ZBBX: variants seen among roughly 807,000 people sequenced by gnomAD.
ZBBX encodes zinc finger B-box domain-containing protein 1.
Under a neutral mutation model 108.5 loss-of-function variants are expected in ZBBX, and 101 were observed. The ratio of observed to expected loss-of-function variants is 0.93; its 90% confidence interval spans 0.79 to 1.10. The LOEUF is 1.10. Ranked by LOEUF, ZBBX falls within the 50% of genes least tolerant of loss-of-function variation. The probability of loss-of-function intolerance (pLI) is 0.00; values close to 1 mark genes in which losing one functional copy is unlikely to be tolerated. For missense variants in ZBBX, 1,009 were observed against 941.4 expected, an observed-to-expected ratio of 1.07 and a Z score of -0.94; for synonymous variants, 356 against 323.4, an observed-to-expected ratio of 1.10 and a Z score of -1.08.
intron 16 of ZBBX, among the ~76,000 whole-genome samples, chr3:167,308,939 C>T (rs542396476): frequency 1.3e-5 from 2 of 152,088 alleles, no homozygotes; most frequent in Admixed American, 1.3e-4. Context: ...ACGTGTGTCC[C>T]TGAACTTAAA....
chr3:167,333,973 T>C lies in ZBBX; in HGVS notation c.541A>G (p.Ile181Val), dbSNP rs758895674. 1 of 1,563,092 alleles carries C rather than the reference T, an allele frequency of 6.4e-7. No individual in the cohort carries two copies. The highest frequency in any genetic ancestry group is 1.2e-5 in the South Asian group (1 of 81,084). ...RTTLLQAKSQ[I>V]LFNVLDVAHQ... ...GCAACATCCAATACATTGAATAATA[T>C]TTGAGATTTTGCCTATTAAAAAAGT... Residue 181 changes from isoleucine to valine, a missense_variant, in exon 10 of 22, where the codon ATA becomes GTA. By Grantham distance (29) the Ile-to-Val change is conservative. Transcript: ENST00000675490.
intron 18 of ZBBX, among the ~76,000 whole-genome samples, chr3:167,295,005 C>T (rs1417169506): frequency 6.6e-6 from 1 of 152,066 alleles, no homozygotes; most frequent in Non-Finnish European, 1.5e-5. Context: ...CCATCTTACG[C>T]CAGTTAGAAT....
At chr3:167,382,054 C>A (rs1341856912), upstream of ZBBX, among the ~76,000 whole-genome samples, 1 of 152,148 alleles carries the variant, frequency 6.6e-6, no homozygotes, top group Non-Finnish European at 1.5e-5. Flanking sequence ...CTCACTTCTA[C>A]AAAGGACTTT....
At chr3:167,299,987 T>C (rs1732355935) in intron 17 of ZBBX, among the ~76,000 whole-genome samples, 1 of 152,188 alleles carries the variant, frequency 6.6e-6, no homozygotes, top group Non-Finnish European at 1.5e-5. Flanking sequence ...CAAATTCTCT[T>C]GTGATCCAAC....
intron 9 of ZBBX, among the ~76,000 whole-genome samples, chr3:167,340,763 G>C (rs1740399377): frequency 1.3e-5 from 2 of 151,302 alleles, no homozygotes; most frequent in South Asian, 4.2e-4. Flanking sequence ...GAGAAGCAAA[G>C]GGAAGAAATT....
At chr3:167,364,118 G>A (rs1338665476) in intron 6 of ZBBX, among the ~76,000 whole-genome samples, 2 of 151,678 alleles carry the variant, frequency 1.3e-5, no homozygotes, top group East Asian at 3.9e-4. Context: ...TCTTTGTTGT[G>A]GGGATTGTCA....
At chr3:167,276,378 A>G (rs905583627) in intron 20 of ZBBX, among the ~76,000 whole-genome samples, 5 of 152,190 alleles carry the variant, frequency 3.3e-5, no homozygotes, top group Non-Finnish European at 7.3e-5. Flanking sequence ...AGAATAACCA[A>G]TACAGAGAAG....
chr3:167,406,507 G>A (rs549162758), intron 1 of ZBBX, among the ~76,000 whole-genome samples: 46 of 152,254 alleles, frequency 3.0e-4, no homozygotes, highest in African/African-American at 1.1e-3. Flanking sequence ...GATCACCTGA[G>A]CCTGAGTTCA....
At position 167,347,534 on chromosome 3, in the gene ZBBX, T is replaced by A. The variant is rs74793777; in HGVS notation, c.528+2886A>T. 7.9e-3 allele frequency among the ~76,000 whole-genome samples: 1,202 copies of A among 152,140 alleles called. 10 individuals carry two copies. The highest frequency in any genetic ancestry group is 0.022 in the African/African-American group (925 of 41,544). ...ATACATGCAGAATCCAAATTTTTTT[T>A]AAAAACTTTTCATTTAAAATTTTTG... is the stretch of plus-strand genomic sequence containing the variant. On this transcript the variant is annotated intron_variant, in intron 9 of 21. Coordinates refer to ENST00000675490, the MANE Select transcript of ZBBX (RefSeq NM_001199201.2).
the ZBBX span, among the ~76,000 whole-genome samples, chr3:167,209,223 C>T: frequency 6.7e-6 from 1 of 148,346 alleles, no homozygotes; most frequent in Non-Finnish European, 1.5e-5. Context: ...CTGTAGAGCC[C>T]TACAGCCTTG....
At position 167,242,591 on chromosome 3, in the gene ZBBX, G is replaced by A; in HGVS notation, c.2307C>T (p.Ser769=). 1 of 1,613,666 alleles carries A rather than the reference G, an allele frequency of 6.2e-7. No homozygotes were observed. The change falls in exon 21 of 22, where the codon AGC becomes AGT. Residue 769 remains serine (S), a synonymous_variant. Transcript: ENST00000675490. ...TCTGACTTATATTCAGTGATTGGCT[G>A]CTGAAATCTGGGAACTCTTCTGAGG... ...SLTSEEFPDF[S]SQSLNISQIS...
chr3:167,317,389 A>C (rs1735641366), intron 13 of ZBBX, 99 bp downstream of exon 13: 1 of 858,236 alleles, frequency 1.2e-6, no homozygotes, highest in East Asian at 2.7e-5. Context: ...AACTGAGAAT[A>C]ATATATTAAA....
chr3:167,311,286 A>C (rs949995513), intron 16 of ZBBX, among the ~76,000 whole-genome samples: 2 of 152,140 alleles, frequency 1.3e-5, no homozygotes, highest in Non-Finnish European at 2.9e-5. Flanking sequence ...CAGACCTTAC[A>C]CCTTCACAAA....
chr3:167,370,199 T>C (rs1230814386), intron 4 of ZBBX, among the ~76,000 whole-genome samples: 4 of 152,158 alleles, frequency 2.6e-5, no homozygotes, highest in African/African-American at 9.7e-5. Context: ...ATAGAGAATT[T>C]GGGCTAGTCT....
intron 2 of ZBBX, among the ~76,000 whole-genome samples, chr3:167,374,044 T>C (rs1245877254): frequency 6.6e-6 from 1 of 152,178 alleles, no homozygotes; most frequent in Non-Finnish European, 1.5e-5. Flanking sequence ...TATAAAAGTA[T>C]ACCAAGTATT....
At chr3:167,207,748 T>C in the ZBBX span, among the ~76,000 whole-genome samples, 3 of 151,680 alleles carry the variant, frequency 2.0e-5, no homozygotes, top group Non-Finnish European at 4.4e-5. Context: ...CTGGGGAGAG[T>C]TGGGGGAGCA....
intron 9 of ZBBX, among the ~76,000 whole-genome samples, chr3:167,348,312 A>G (rs370411349): frequency 0.014 from 1,207 of 87,350 alleles, 17 homozygotes; most frequent in African/African-American, 0.049. Flanking sequence ...GAGAGAAAGA[A>G]AGAGAAAGAA....
chr3:167,246,068 T>C (rs1422327564), intron 20 of ZBBX, among the ~76,000 whole-genome samples: 1 of 152,118 alleles, frequency 6.6e-6, no homozygotes, highest in Non-Finnish European at 1.5e-5. Flanking sequence ...AGTTATTGAA[T>C]ATGAAGAAAG....
intron 8 of ZBBX, among the ~76,000 whole-genome samples, chr3:167,356,169 T>C (rs1017538558): frequency 6.6e-6 from 1 of 152,118 alleles, no homozygotes; most frequent in African/African-American, 2.4e-5. Context: ...TAATTCAACC[T>C]GTAAGTGCCT....
Sources: allele counts gnomAD v4.1 joint callset (sites outside exome capture counted in the v4.1 genomes callset), GRCh38; gene constraint gnomAD v4.1.1; transcripts MANE v1.5; gene names NCBI Gene and HGNC (gene_info 2026-07-23, HGNC 2026-07-21).